The following CNTN4 variants were observed in gnomAD, a reference collection of about 807,000 sequenced individuals.
CNTN4 encodes contactin-4.
In CNTN4, 77 loss-of-function variants were observed where a neutral mutation model predicts 122.5. The observed-to-expected ratio is 0.63, with a 90% CI of 0.52 to 0.76. CNTN4 has a LOEUF of 0.76. Ranked by LOEUF, CNTN4 falls within the 30% of genes least tolerant of loss-of-function variation. The pLI, the probability that CNTN4 is intolerant of heterozygous loss-of-function variation, is 0.00. For synonymous variants in CNTN4, 512 were observed against 447.0 expected (o/e 1.15, Z -1.83); for missense variants, 1,256 against 1,259.1 (o/e 1.00, Z 0.04).
chr3:2,120,374 AAT>A (rs1185851358), intron 2 of CNTN4, among the ~76,000 whole-genome samples: 1,649 of 58,786 alleles, frequency 0.028, 34 homozygotes, highest in Non-Finnish European at 0.034. Flanking sequence ...TATATATATA[AAT>A]ATATATATAT....
chr3:2,611,248 A>ATAAAGAC (rs1157445199), intron 4 of CNTN4, among the ~76,000 whole-genome samples: 1 of 150,310 alleles, frequency 6.7e-6, no homozygotes, highest in African/African-American at 2.5e-5. Flanking sequence ...CTTTCAACTC[A>ATAAAGAC]TAAAGACCAG....
intron 8 of CNTN4, among the ~76,000 whole-genome samples, chr3:2,873,127 A>G (rs2093805078): frequency 6.6e-6 from 1 of 152,224 alleles, no homozygotes; most frequent in African/African-American, 2.4e-5. Context: ...TCTGGAGTAT[A>G]GTCCCAGACG....
intron 13 of CNTN4, among the ~76,000 whole-genome samples, chr3:2,930,958 G>A (rs911870013): frequency 5.9e-5 from 9 of 152,312 alleles, no homozygotes; most frequent in Middle Eastern, 6.8e-3. Flanking sequence ...GAAAATGTAG[G>A]GCAGCGATAG....
chr3:2,524,753 GAA>G (rs1280080860), intron 3 of CNTN4, among the ~76,000 whole-genome samples: 1 of 152,078 alleles, frequency 6.6e-6, no homozygotes, highest in Admixed American at 6.6e-5. Flanking sequence ...TACTAGGCAG[GAA>G]GTTAAATTCT....
intron 2 of CNTN4, among the ~76,000 whole-genome samples, chr3:2,211,544 C>A (rs2038615888): frequency 1.3e-5 from 2 of 152,172 alleles, no homozygotes; most frequent in Non-Finnish European, 2.9e-5. Context: ...TTATAATAAA[C>A]CCCTTTTAAA....
chr3:2,190,831 C>CAT (rs1172773414), intron 2 of CNTN4, among the ~76,000 whole-genome samples: 1 of 149,668 alleles, frequency 6.7e-6, no homozygotes, highest in Non-Finnish European at 1.5e-5. Flanking sequence ...CACACACACA[C>CAT]ACATACACAC....
chr3:2,354,963 A>C lies in CNTN4; in HGVS notation c.-89+15730A>C, dbSNP rs373655494. On this transcript the variant is annotated intron_variant, in intron 3 of 24. Transcript: ENST00000418658. ...TTGGGGATACATTGTGTCAGATTAC[A>C]TCCAGGAGTTGGGAGAATAAGTGAG... Among the ~76,000 whole-genome samples, 292 of 152,354 alleles carry C rather than the reference A, an allele frequency of 1.9e-3. 1 individual carries two copies. Among genetic ancestry groups the C allele is most frequent in the African/African-American group, 6.8e-3 (282 of 41,590 alleles).
chr3:2,806,063 G>A (rs1188159522), intron 6 of CNTN4, among the ~76,000 whole-genome samples: 2 of 152,038 alleles, frequency 1.3e-5, no homozygotes, highest in East Asian at 3.9e-4. Context: ...CAGCAGGCCT[G>A]GCTAATTTTT....
chr3:2,798,383 A>ATCTG (rs2092262460), intron 6 of CNTN4, among the ~76,000 whole-genome samples: 1 of 150,538 alleles, frequency 6.6e-6, no homozygotes, highest in African/African-American at 2.4e-5. Flanking sequence ...CTATCTATCT[A>ATCTG]TCTATCTATA....
chr3:2,270,532 T>C (rs757555359), intron 2 of CNTN4, among the ~76,000 whole-genome samples: 5 of 152,136 alleles, frequency 3.3e-5, no homozygotes, highest in Non-Finnish European at 7.4e-5. Flanking sequence ...GAGTACTTGT[T>C]ATGACCTGTG....
chr3:2,179,058 A>C (rs1467166961), intron 2 of CNTN4, among the ~76,000 whole-genome samples: 1 of 152,048 alleles, frequency 6.6e-6, no homozygotes, highest in Non-Finnish European at 1.5e-5. Flanking sequence ...TAATGTGCTC[A>C]TACTCCGAGG....
At chr3:2,408,272 C>G (rs2047109536) in intron 3 of CNTN4, among the ~76,000 whole-genome samples, 1 of 152,112 alleles carries the variant, frequency 6.6e-6, no homozygotes, top group Non-Finnish European at 1.5e-5. Context: ...TCTCTTGATT[C>G]CTTTTTAATG....
At chr3:2,623,871 T>A (rs1033167131) in intron 4 of CNTN4, among the ~76,000 whole-genome samples, 9 of 152,166 alleles carry the variant, frequency 5.9e-5, no homozygotes, top group Non-Finnish European at 1.3e-4. Context: ...CAGGGTTTCT[T>A]AACCAGGCCT....
At chr3:2,394,961 A>T (rs968492333) in intron 3 of CNTN4, among the ~76,000 whole-genome samples, 1 of 151,634 alleles carries the variant, frequency 6.6e-6, no homozygotes, top group African/African-American at 2.4e-5. Flanking sequence ...TAACTTTTGT[A>T]TTTTCGGTAG....
At chr3:2,124,660 G>T (rs1219111173) in intron 2 of CNTN4, among the ~76,000 whole-genome samples, 1 of 151,846 alleles carries the variant, frequency 6.6e-6, no homozygotes, top group African/African-American at 2.4e-5. Context: ...TGTGATCCCA[G>T]CTACATGGGA....
chr3:2,555,500 T>C (rs1181409729), intron 3 of CNTN4, among the ~76,000 whole-genome samples: 2 of 152,224 alleles, frequency 1.3e-5, no homozygotes, highest in Non-Finnish European at 2.9e-5. Context: ...TATTATGTGA[T>C]AACTTCTCTA....
chr3:2,452,361 T>G (rs1487329390), intron 3 of CNTN4, among the ~76,000 whole-genome samples: 1 of 152,138 alleles, frequency 6.6e-6, no homozygotes, highest in Non-Finnish European at 1.5e-5. Context: ...ATCATGCGAA[T>G]TCACCGAGGC....
At chr3:2,504,077 A>G (rs1210153192) in intron 3 of CNTN4, among the ~76,000 whole-genome samples, 2 of 152,140 alleles carry the variant, frequency 1.3e-5, no homozygotes, top group South Asian at 2.1e-4. Context: ...TTAGAGATCA[A>G]TAAATGGTAC....
At chr3:2,993,201 T>A (rs6776883) in intron 14 of CNTN4, among the ~76,000 whole-genome samples, 4,589 of 152,250 alleles carry the variant, frequency 0.03, 82 homozygotes, top group Non-Finnish European at 0.043. Context: ...ATAAATAAAG[T>A]TTTGTTGTCA....
Sources: allele counts gnomAD v4.1 joint callset (sites outside exome capture counted in the v4.1 genomes callset), GRCh38; gene constraint gnomAD v4.1.1; transcripts MANE v1.5; gene names NCBI Gene and HGNC (gene_info 2026-07-23, HGNC 2026-07-21).